The following LRPPRC variants were observed in gnomAD, a reference collection of about 807,000 sequenced individuals.
LRPPRC encodes leucine-rich PPR motif-containing protein, mitochondrial.
In LRPPRC, 120 loss-of-function variants were observed where a neutral mutation model predicts 180.3. The ratio of observed to expected loss-of-function variants is 0.67; its 90% confidence interval spans 0.57 to 0.77. LRPPRC has a LOEUF of 0.77. Among genes scored for constraint, LRPPRC ranks in the 30% least tolerant of loss-of-function variants. The pLI is 0.00. For missense variants in LRPPRC, 2,012 were observed against 1,657.2 expected, an observed-to-expected ratio of 1.21 and a Z score of -3.72; for synonymous variants, 723 against 600.0, an observed-to-expected ratio of 1.21 and a Z score of -3.00.
chr2:43,923,047 T>G (rs980095168), intron 27 of LRPPRC, among the ~76,000 whole-genome samples: 1 of 151,820 alleles, frequency 6.6e-6, no homozygotes, highest in African/African-American at 2.4e-5. Flanking sequence ...CAAGAAGGAA[T>G]TGGAGACAGG....
chr2:43,932,431 T>G (rs1341896425), intron 25 of LRPPRC, among the ~76,000 whole-genome samples: 3 of 152,156 alleles, frequency 2.0e-5, no homozygotes, highest in Non-Finnish European at 4.4e-5. Flanking sequence ...CTTGTAGTAT[T>G]CTTTCTGTAA....
At chr2:43,894,495 ATAAT>A (rs758540184) in intron 36 of LRPPRC, 46 bp downstream of exon 36, 6 of 916,672 alleles carry the variant, frequency 6.5e-6, no homozygotes, top group Non-Finnish European at 1.1e-5. Flanking sequence ...AGTCACTTAA[ATAAT>A]AAAGCCATTT....
Position 43,949,351 on chromosome 2 carries a change from T to C in LRPPRC, c.1735+251A>G, listed in dbSNP as rs534053988. Among the ~76,000 whole-genome samples, 5 of 152,316 alleles carry C rather than the reference T, an allele frequency of 3.3e-5. No individual in the cohort carries two copies. In the South Asian group the frequency reaches 1.0e-3, roughly 32 times the overall value. On this transcript the variant is annotated intron_variant, in intron 16 of 37. Coordinates refer to ENST00000260665, the MANE Select transcript of LRPPRC (RefSeq NM_133259.4). The stretch of plus-strand genomic sequence containing the variant: ...TGATTTTTAAGCCTATTTCCATAGA[T>C]GTTAGAAGAAACATTTCCCCAATAT...
intron 29 of LRPPRC, among the ~76,000 whole-genome samples, chr2:43,917,572 G>A (rs1671517501): frequency 1.3e-5 from 2 of 151,920 alleles, no homozygotes; most frequent in Admixed American, 1.3e-4. Flanking sequence ...GGCAGATCAC[G>A]AGGTCAGGAG....
At chr2:43,925,853 A>T (rs564261376) in intron 26 of LRPPRC, 40 bp downstream of exon 26, 20 of 1,395,730 alleles carry the variant, frequency 1.4e-5, no homozygotes, top group Non-Finnish European at 2.0e-5. Flanking sequence ...CCTTCTACTC[A>T]CACTTTTAGG....
At chr2:43,898,478 T>G (rs1016344522) in intron 34 of LRPPRC, among the ~76,000 whole-genome samples, 3 of 152,252 alleles carry the variant, frequency 2.0e-5, no homozygotes, top group African/African-American at 7.2e-5. Context: ...ACTGTTTGAC[T>G]GCCACCTGCT....
At chr2:43,985,847 T>C (rs1465795313) in intron 1 of LRPPRC, among the ~76,000 whole-genome samples, 1 of 152,236 alleles carries the variant, frequency 6.6e-6, no homozygotes, top group Non-Finnish European at 1.5e-5. Flanking sequence ...GGTAAATACC[T>C]AATGGTAAAT....
At chr2:43,946,597 G>A (rs1187179798) in intron 20 of LRPPRC, among the ~76,000 whole-genome samples, 1 of 152,018 alleles carries the variant, frequency 6.6e-6, no homozygotes, top group African/African-American at 2.4e-5. Context: ...GCAGAAATAT[G>A]TATCATTGAA....
chr2:43,934,090 T>C (rs1487493815), intron 25 of LRPPRC, 100 bp downstream of exon 25: 11 of 719,442 alleles, frequency 1.5e-5, no homozygotes, highest in Non-Finnish European at 2.5e-5. Context: ...TCTATTAACA[T>C]GAATCAGAAC....
At chr2:43,906,132 T>C (rs567933325) in intron 30 of LRPPRC, among the ~76,000 whole-genome samples, 1 of 152,256 alleles carries the variant, frequency 6.6e-6, no homozygotes, top group East Asian at 1.9e-4. Context: ...CTTTTTTTTT[T>C]CTACATTCAC....
In LRPPRC at chr2:43,962,875, G is replaced by A. The variant is rs1010240494; in HGVS notation, c.1488+713C>T. Among the ~76,000 whole-genome samples the A allele has an allele frequency of 3.3e-5, 5 of 152,312 alleles. No individual in the cohort carries two copies. The East Asian group carries it at 9.6e-4, about 29-fold the overall frequency. ...TAATCCCAGCTACTCAGGAGGCTAA[G>A]ACAGGAGGATTGCTTAAGCCCAGAG... On this transcript the variant is annotated intron_variant, in intron 12 of 37. Transcript: ENST00000260665.
intron 25 of LRPPRC, among the ~76,000 whole-genome samples, chr2:43,931,178 G>A (rs1249996995): frequency 6.6e-6 from 1 of 152,156 alleles, no homozygotes; most frequent in Non-Finnish European, 1.5e-5. Context: ...TGCCTGTCAT[G>A]TGCCAGGCAC....
At chr2:43,976,655 T>C (rs1467497640) in intron 5 of LRPPRC, among the ~76,000 whole-genome samples, 1 of 151,806 alleles carries the variant, frequency 6.6e-6, no homozygotes, top group Non-Finnish European at 1.5e-5. Context: ...CTACTTCCAG[T>C]TTTATAAATG....
chr2:43,980,506 T>C (rs897386687), intron 2 of LRPPRC, among the ~76,000 whole-genome samples: 18 of 146,594 alleles, frequency 1.2e-4, no homozygotes, highest in African/African-American at 4.4e-4. Context: ...TGAGCCGACA[T>C]TGCACCACTG....
chr2:43,933,571 C>T (rs578254228), intron 25 of LRPPRC, among the ~76,000 whole-genome samples: 1 of 152,230 alleles, frequency 6.6e-6, no homozygotes, highest in South Asian at 2.1e-4. Context: ...ACAATTTGGA[C>T]AGACTTTATA....
rs1295779795 is a variant in LRPPRC at position 43,896,479 on chromosome 2, G to A, written c.3900+155C>T. On this transcript the variant is annotated intron_variant, in intron 35 of 37. Coordinates refer to ENST00000260665, the MANE Select transcript of LRPPRC (RefSeq NM_133259.4). ...TACATTTCCAGTACAGCTAACAGAC[G>A]ACAAAACTGACTCTAAGTAGAGACA... The A allele has an allele frequency of 5.7e-5, 35 of 616,260 alleles. 1 individual carries two copies. The highest frequency in any genetic ancestry group is 1.8e-4 in the South Asian group (10 of 54,476). 38.2% of individuals were successfully genotyped at this position (616,260 alleles called of 1,614,324 possible).
At chr2:43,934,402 A>G (rs1174958133) in intron 24 of LRPPRC, 106 bp from the exon 25 acceptor site, 1 of 657,064 alleles carries the variant, frequency 1.5e-6, no homozygotes, top group Non-Finnish European at 2.7e-6. Context: ...TTTTAAAAAC[A>G]AATATTAAGA....
In LRPPRC at chr2:43,894,788, A is replaced by C. The variant is rs376258442; in HGVS notation, c.3901-159T>G. 3.3e-5 allele frequency among the ~76,000 whole-genome samples: 5 copies of C among 152,226 alleles called. No individual in the cohort carries two copies. The East Asian group carries it at 7.7e-4, about 23-fold the overall frequency. On this transcript the variant is annotated intron_variant, in intron 35 of 37. Coordinates refer to ENST00000260665, the MANE Select transcript of LRPPRC (RefSeq NM_133259.4). ...TGTCCCTTGTATATTAGCATTTGAT[A>C]TTGACTCAATAATCTACAGCTAAAA...
chr2:43,945,682 C>CT (rs1238034479), intron 21 of LRPPRC, among the ~76,000 whole-genome samples: 2 of 152,074 alleles, frequency 1.3e-5, no homozygotes, highest in African/African-American at 4.8e-5. Context: ...AACTCTTTGG[C>CT]TTTAAGTGAT....
Sources: allele counts gnomAD v4.1 joint callset (sites outside exome capture counted in the v4.1 genomes callset), GRCh38; gene constraint gnomAD v4.1.1; transcripts MANE v1.5; gene names NCBI Gene and HGNC (gene_info 2026-07-23, HGNC 2026-07-21).